The following ABTB3 variants were observed in gnomAD, a reference collection of about 807,000 sequenced individuals.
ABTB3 encodes ankyrin repeat- and BTB/POZ domain-containing protein 3.
the ABTB3 span, among the ~76,000 whole-genome samples, chr12:107,652,716 C>G: frequency 0.16 from 24,900 of 152,136 alleles, 2,155 homozygotes; most frequent in South Asian, 0.28. Context: ...CCAGTCTTCA[C>G]TCCAGTTTTC....
At chr12:107,635,983 G>A in the ABTB3 span, among the ~76,000 whole-genome samples, 2 of 151,766 alleles carry the variant, frequency 1.3e-5, no homozygotes, top group Non-Finnish European at 1.5e-5. Context: ...AACCTCTTCT[G>A]GGAGGCGTGC....
chr12:107,330,245 C>G, the ABTB3 span, among the ~76,000 whole-genome samples: 1 of 152,114 alleles, frequency 6.6e-6, no homozygotes. Flanking sequence ...ATAGAGGGCA[C>G]TGGAGAGCCC....
At chr12:107,485,694 C>CT in the ABTB3 span, among the ~76,000 whole-genome samples, 1 of 152,202 alleles carries the variant, frequency 6.6e-6, no homozygotes, top group Non-Finnish European at 1.5e-5. Flanking sequence ...TTGATTTCTT[C>CT]TTTTTTATGT....
chr12:107,404,162 CAAAAAAAAAAAAAAA>C, the ABTB3 span, among the ~76,000 whole-genome samples: 2 of 40,256 alleles, frequency 5.0e-5, no homozygotes, highest in African/African-American at 2.1e-4. Context: ...GACTCTAACT[CAAAAAAAAAAAAAAA>C]AAAAAAAAAA....
the ABTB3 span, among the ~76,000 whole-genome samples, chr12:107,484,299 G>A: frequency 6.6e-6 from 1 of 152,236 alleles, no homozygotes; most frequent in Non-Finnish European, 1.5e-5. Flanking sequence ...TGAAAAGGTG[G>A]CATTTGTACA....
the ABTB3 span, among the ~76,000 whole-genome samples, chr12:107,622,791 A>C: frequency 1.3e-5 from 2 of 152,094 alleles, no homozygotes; most frequent in Non-Finnish European, 2.9e-5. Flanking sequence ...TTGTTTTATC[A>C]GAGTAGTGAA....
At chr12:107,396,116 G>A in the ABTB3 span, among the ~76,000 whole-genome samples, 4 of 152,208 alleles carry the variant, frequency 2.6e-5, no homozygotes, top group South Asian at 4.1e-4. Context: ...AATAGAGAAC[G>A]TGTCTTGCCT....
At chr12:107,651,711 T>C in the ABTB3 span, 1 of 1,614,190 alleles carries the variant, frequency 6.2e-7, no homozygotes, top group Non-Finnish European at 8.5e-7. Flanking sequence ...CTGGAGGCTT[T>C]GCAGCGACAC....
chr12:107,578,147 G>C, the ABTB3 span, among the ~76,000 whole-genome samples: 1 of 152,074 alleles, frequency 6.6e-6, no homozygotes, highest in Non-Finnish European at 1.5e-5. Flanking sequence ...TTTCCCCTCT[G>C]AGTAGACAAG....
chr12:107,634,740 C>T, the ABTB3 span: 1 of 152,176 alleles, frequency 6.6e-6, no homozygotes, highest in Non-Finnish European at 1.5e-5. Flanking sequence ...TTCCCTCCCA[C>T]CTTTTGTTTG....
the ABTB3 span, among the ~76,000 whole-genome samples, chr12:107,369,989 G>A: frequency 2.6e-5 from 4 of 152,018 alleles, no homozygotes; most frequent in Non-Finnish European, 4.4e-5. Context: ...CTGAGCCTCC[G>A]TTTCTACATC....
the ABTB3 span, chr12:107,634,834 C>G: frequency 7.2e-5 from 11 of 152,254 alleles, no homozygotes; most frequent in Admixed American, 7.2e-4. Flanking sequence ...GAATCAGGAG[C>G]GTTTGTCTCG....
At chr12:107,367,575 G>T in the ABTB3 span, among the ~76,000 whole-genome samples, 1 of 152,046 alleles carries the variant, frequency 6.6e-6, no homozygotes, top group Non-Finnish European at 1.5e-5. Flanking sequence ...CGCAGTTTCG[G>T]CTCACTGCAA....
At chr12:107,578,525 C>A in the ABTB3 span, among the ~76,000 whole-genome samples, 4 of 151,806 alleles carry the variant, frequency 2.6e-5, no homozygotes, top group South Asian at 4.2e-4. Context: ...TGCAGCCCCC[C>A]AGGGACTCAG....
chr12:107,645,133 C>A, the ABTB3 span, among the ~76,000 whole-genome samples: 4 of 152,034 alleles, frequency 2.6e-5, no homozygotes, highest in Non-Finnish European at 2.9e-5. Context: ...TTGGCTAATT[C>A]TTTTTGTATT....
At chr12:107,555,306 C>T in the ABTB3 span, among the ~76,000 whole-genome samples, 2 of 152,172 alleles carry the variant, frequency 1.3e-5, no homozygotes, top group African/African-American at 2.4e-5. Flanking sequence ...CACCTCTGGC[C>T]TCCAGGGCTT....
the ABTB3 span, among the ~76,000 whole-genome samples, chr12:107,337,312 A>C: frequency 6.6e-6 from 1 of 152,178 alleles, no homozygotes; most frequent in Admixed American, 6.5e-5. Flanking sequence ...GTCCTGTTTT[A>C]AAGGTGGAAA....
the ABTB3 span, among the ~76,000 whole-genome samples, chr12:107,547,285 G>C: frequency 3.4e-4 from 52 of 152,260 alleles, no homozygotes; most frequent in Non-Finnish European, 6.3e-4. Flanking sequence ...ACAACCCTCT[G>C]ATGAGCTCCA....
the ABTB3 span, among the ~76,000 whole-genome samples, chr12:107,354,722 T>C: frequency 2.0e-5 from 3 of 152,228 alleles, no homozygotes; most frequent in African/African-American, 7.2e-5. Flanking sequence ...CTGAGCAGTG[T>C]ACGAGAGTTC....
Sources: gnomAD v4.1 joint callset for allele counts (sites outside exome capture counted in the v4.1 genomes callset) on GRCh38, gnomAD v4.1.1 for gene constraint, MANE v1.5 for transcripts, NCBI Gene and HGNC (gene_info 2026-07-23, HGNC 2026-07-21) for gene names.